Variants in BLOC1S5 observed in about 807,000 individuals in gnomAD.
BLOC1S5 encodes biogenesis of lysosome-related organelles complex 1 subunit 5.
A neutral mutation model predicts 24.3 loss-of-function variants in BLOC1S5; 27 were observed. The ratio of observed to expected loss-of-function variants is 1.11; its 90% CI spans 0.82 to 1.53. The LOEUF (loss-of-function observed/expected upper bound fraction) is 1.53. Ranked by LOEUF, BLOC1S5 falls within the 40% of genes most tolerant of loss-of-function variation. The probability of loss-of-function intolerance (pLI) is 0.00; values close to 1 mark genes in which losing one functional copy is unlikely to be tolerated. For missense variants in BLOC1S5, 239 were observed against 229.4 expected (o/e 1.04, Z -0.27); for synonymous variants, 84 against 74.5 (o/e 1.13, Z -0.66).
intron 3 of BLOC1S5, among the ~76,000 whole-genome samples, chr6:8,038,320 A>G (rs74968116): frequency 0.024 from 3,655 of 152,234 alleles, 149 homozygotes; most frequent in African/African-American, 0.081. Flanking sequence ...ATCCCAAAGA[A>G]TCCAATTTTA....
At chr6:8,015,868 G>C in intron 4 of BLOC1S5, 40 bp from the exon 5 acceptor site, 1 of 1,544,708 alleles carries the variant, frequency 6.5e-7, no homozygotes, top group Non-Finnish European at 8.8e-7. Context: ...ACATTTTCCA[G>C]ACAATTATTT....
At position 8,027,562 on chromosome 6, in the gene BLOC1S5, G is replaced by A. The variant is rs574430006; in HGVS notation, c.326-1137C>T. On this transcript the variant is annotated intron_variant, in intron 3 of 4. Coordinates refer to ENST00000397457, the MANE Select transcript of BLOC1S5 (RefSeq NM_201280.3). Reference sequence around the variant, plus strand: ...TAAAATAAGCAGTCAGGCCGGGCACGGTGGCTCACGCCTGTAATCCCAGCA... The same window carrying A: ...TAAAATAAGCAGTCAGGCCGGGCACAGTGGCTCACGCCTGTAATCCCAGCA... Among the ~76,000 whole-genome samples the A allele has an allele frequency of 3.9e-5, 6 of 152,310 alleles. No homozygotes were observed. In the East Asian group the frequency reaches 7.7e-4, roughly 20 times the overall value.
intron 1 of BLOC1S5, 68 bp from the exon 2 acceptor site, chr6:8,062,684 C>A: frequency 9.7e-7 from 1 of 1,034,564 alleles, no homozygotes; most frequent in East Asian, 2.5e-5. Context: ...TTGTTTTACT[C>A]TCTCCCTTCC....
At chr6:8,046,468 C>T (rs1447592657) in intron 2 of BLOC1S5, among the ~76,000 whole-genome samples, 1 of 152,014 alleles carries the variant, frequency 6.6e-6, no homozygotes, top group African/African-American at 2.4e-5. Flanking sequence ...GTAAACTTGA[C>T]TATGAAAAAA....
At position 8,063,029 on chromosome 6, in the gene BLOC1S5, A is replaced by G. The variant is rs961877814; in HGVS notation, c.113-413T>C. ...ACATCAGAGTTACACTTATCAACAT[A>G]AATATAAAAAATAATACGTATTTTA... is the stretch of plus-strand genomic sequence containing the variant. On this transcript the variant is annotated intron_variant, in intron 1 of 4. Transcript: ENST00000397457. Among the ~76,000 whole-genome samples the G allele has an allele frequency of 5.3e-5, 8 of 152,126 alleles. No individual in the cohort carries two copies. In the South Asian group the frequency reaches 1.7e-3, roughly 31 times the overall value.
At chr6:8,047,160 T>TCTCTCA (rs1475934039) in intron 2 of BLOC1S5, among the ~76,000 whole-genome samples, 101 of 126,940 alleles carry the variant, frequency 8.0e-4, no homozygotes, top group African/African-American at 2.9e-3. Flanking sequence ...TCTCTCTCTC[T>TCTCTCA]CACACACACA....
chr6:8,044,406 G>C (rs1226150647), intron 2 of BLOC1S5, among the ~76,000 whole-genome samples: 2 of 151,680 alleles, frequency 1.3e-5, no homozygotes, highest in Non-Finnish European at 2.9e-5. Context: ...TCTTGGGTAT[G>C]TCTTTATCAG....
rs779203669 is a variant in BLOC1S5, at chr6:8,064,298, C to T, written c.79G>A (p.Gly27Arg). The change falls in exon 1 of 5, where the codon GGG becomes AGG. Residue 27 changes from glycine (G) to arginine (R), a missense_variant. Gly to Arg is a moderately radical substitution (Grantham distance 125). Transcript: ENST00000397457. ...GGGSKKRDSL[G>R]TAGSAHLIIK... ...ATGAGGTGCGCTGAGCCCGCAGTCC[C>T]CAGGGAGTCCCTCTTCTTGCTGCCA... 9 of 1,613,814 alleles carry T rather than the reference C, an allele frequency of 5.6e-6. No homozygotes were observed. The highest frequency in any genetic ancestry group is 4.2e-6 in the Non-Finnish European group (5 of 1,179,858).
At chr6:8,062,689 C>A in intron 1 of BLOC1S5, 73 bp from the exon 2 acceptor site, 1 of 978,996 alleles carries the variant, frequency 1.0e-6, no homozygotes, top group East Asian at 2.6e-5. Context: ...TTACTCTCTC[C>A]CTTCCCCACT....
rs574535856 is a variant in BLOC1S5, at chr6:8,014,733, T to A, written c.*916A>T. The A allele has an allele frequency of 6.6e-6, 1 of 152,330 alleles. No individual in the cohort carries two copies. Among genetic ancestry groups the A allele is most frequent in the East Asian group, 1.9e-4 (1 of 5,188 alleles). 9.4% of individuals were successfully genotyped at this position (152,330 alleles called of 1,614,324 possible). ...TGCTGTGTGGGCAAACACTTCTGGT[T>A]CATTCAAAGCCAGGAACTTTATATG... On this transcript the variant is annotated 3_prime_UTR_variant, in exon 5 of 5. Coordinates refer to ENST00000397457, the MANE Select transcript of BLOC1S5 (RefSeq NM_201280.3).
Position 8,015,184 on chromosome 6 carries a change from T to C in BLOC1S5, c.*465A>G, listed in dbSNP as rs546133912. On this transcript the variant is annotated 3_prime_UTR_variant, in exon 5 of 5. Transcript: ENST00000397457. ...CAAGGACAGCTGGCTTTTTTTTTTG[T>C]CTACATTACTCATGCAGTAACACTT... The C allele has an allele frequency of 4.0e-5, 6 of 150,100 alleles. No homozygotes were observed. Among genetic ancestry groups the C allele is most frequent in the African/African-American group, 9.8e-5 (4 of 40,754 alleles). 9.3% of individuals were successfully genotyped at this position (150,100 alleles called of 1,614,324 possible).
At chr6:8,045,688 G>A (rs556192222) in intron 2 of BLOC1S5, among the ~76,000 whole-genome samples, 5 of 152,306 alleles carry the variant, frequency 3.3e-5, no homozygotes, top group South Asian at 4.1e-4. Context: ...GAGTCAAAGG[G>A]GATCATTTTG....
At chr6:8,027,631 C>T (rs1220329096) in intron 3 of BLOC1S5, among the ~76,000 whole-genome samples, 7 of 152,102 alleles carry the variant, frequency 4.6e-5, no homozygotes, top group African/African-American at 9.7e-5. Flanking sequence ...GTCAGGAGTT[C>T]GAGACTAGCC....
At chr6:8,055,491 T>C (rs1350057689) in intron 2 of BLOC1S5, among the ~76,000 whole-genome samples, 1 of 152,214 alleles carries the variant, frequency 6.6e-6, no homozygotes, top group Non-Finnish European at 1.5e-5. Flanking sequence ...TGGTCAAATC[T>C]TTCTTATTTC....
At chr6:8,035,109 G>A (rs115481899) in intron 3 of BLOC1S5, among the ~76,000 whole-genome samples, 6,027 of 151,952 alleles carry the variant, frequency 0.04, 368 homozygotes, top group African/African-American at 0.13. Context: ...ACCAAACGTC[G>A]TTATGTTCTC....
At chr6:8,022,647 G>A (rs1244882651) in intron 4 of BLOC1S5, among the ~76,000 whole-genome samples, 1 of 131,450 alleles carries the variant, frequency 7.6e-6, no homozygotes, top group Non-Finnish European at 1.5e-5. Flanking sequence ...TGCAGTGGCG[G>A]GATCTCGGCT....
At chr6:8,038,111 A>G (rs1763548629) in intron 3 of BLOC1S5, among the ~76,000 whole-genome samples, 1 of 152,216 alleles carries the variant, frequency 6.6e-6, no homozygotes, top group African/African-American at 2.4e-5. Flanking sequence ...TTTTTTCTGT[A>G]AGACCTCAAA....
chr6:8,016,318 T>C (rs1762732640), intron 4 of BLOC1S5, among the ~76,000 whole-genome samples: 1 of 144,910 alleles, frequency 6.9e-6, no homozygotes, highest in East Asian at 2.0e-4. Flanking sequence ...AGAGTGAGAC[T>C]CCGTCTCAAA....
intron 2 of BLOC1S5, among the ~76,000 whole-genome samples, chr6:8,057,150 G>A (rs1192354590): frequency 6.6e-6 from 1 of 151,940 alleles, no homozygotes; most frequent in African/African-American, 2.4e-5. Flanking sequence ...ATCTGGGAGG[G>A]GGAGGTTACA....
Sources: allele counts gnomAD v4.1 joint callset (sites outside exome capture counted in the v4.1 genomes callset), GRCh38; gene constraint gnomAD v4.1.1; transcripts MANE v1.5; gene names NCBI Gene and HGNC (gene_info 2026-07-23, HGNC 2026-07-21).